GALNT2: variants seen among roughly 807,000 people sequenced by gnomAD.
The protein encoded by GALNT2 is polypeptide N-acetylgalactosaminyltransferase 2, also known as UDP-GalNAc:polypeptide N-acetylgalactosaminyltransferase 2.
In GALNT2, 31 loss-of-function variants were observed where a neutral mutation model predicts 81.4. The ratio of observed to expected loss-of-function variants is 0.38; its 90% CI spans 0.29 to 0.51. The LOEUF (loss-of-function observed/expected upper bound fraction) is 0.51. Ranked by LOEUF, GALNT2 falls within the 20% of genes least tolerant of loss-of-function variation. The pLI, the probability that GALNT2 is intolerant of heterozygous loss-of-function variation, is 0.87. For missense variants in GALNT2, 629 were observed against 765.7 expected (o/e 0.82, Z 2.11); for synonymous variants, 303 against 287.4 (o/e 1.05, Z -0.55).
At chr1:230,163,403 T>G (rs534435942) in intron 1 of GALNT2, among the ~76,000 whole-genome samples, 66 of 152,182 alleles carry the variant, frequency 4.3e-4, no homozygotes, top group Non-Finnish European at 7.9e-4. Flanking sequence ...TGGGATGAGG[T>G]CACTCCGGCG....
intron 14 of GALNT2, among the ~76,000 whole-genome samples, chr1:230,266,683 G>C (rs117975489): frequency 6.6e-6 from 1 of 152,324 alleles, no homozygotes; most frequent in East Asian, 1.9e-4. Flanking sequence ...GAACCTGCCT[G>C]CCTGGGGCTT....
At chr1:230,269,405 C>T (rs1033689422) in intron 14 of GALNT2, among the ~76,000 whole-genome samples, 1 of 152,052 alleles carries the variant, frequency 6.6e-6, no homozygotes, top group East Asian at 1.9e-4. Context: ...AGGCTGGTCT[C>T]GAACTCGTGA....
chr1:230,130,193 A>G lies in GALNT2; in HGVS notation c.127-48025A>G, dbSNP rs769466575. Reference sequence around the variant, plus strand: ...GAAGACCTTTCTCATCCCGCCTTCTACTACCATCCATATCTTTCTTCTGTA... The same window carrying G: ...GAAGACCTTTCTCATCCCGCCTTCTGCTACCATCCATATCTTTCTTCTGTA... On this transcript the variant is annotated intron_variant, in intron 1 of 15. Transcript: ENST00000366672. Among the ~76,000 whole-genome samples, 6 of 152,218 alleles carry G rather than the reference A, an allele frequency of 3.9e-5. No homozygotes were observed. The East Asian group carries it at 5.8e-4, about 15-fold the overall frequency.
intron 1 of GALNT2, among the ~76,000 whole-genome samples, chr1:230,168,160 C>A (rs546161433): frequency 1.4e-5 from 2 of 143,582 alleles, no homozygotes; most frequent in East Asian, 3.9e-4. Context: ...AAAATGGAGC[C>A]ATAAAAGACT....
At chr1:230,274,410 A>T (rs763311531) in intron 14 of GALNT2, 35 bp from the exon 15 acceptor site, 6 of 1,609,478 alleles carry the variant, frequency 3.7e-6, no homozygotes, top group Non-Finnish European at 5.1e-6. Context: ...AGCCCGGTGC[A>T]TAGCACGCCT....
intron 1 of GALNT2, among the ~76,000 whole-genome samples, chr1:230,150,341 A>G (rs531626514): frequency 1.9e-4 from 29 of 152,384 alleles, no homozygotes; most frequent in African/African-American, 7.0e-4. Flanking sequence ...GCATGACTTC[A>G]TACATCACCC....
In GALNT2 at chr1:230,182,072, C is replaced by G. The variant is rs1254468368; in HGVS notation, c.220+3761C>G. ...ATTGTCCTTTTCATATCCATGGGAT[C>G]TGTAGTTATATCCCCACTTTCATTT... On this transcript the variant is annotated intron_variant, in intron 2 of 15. Coordinates refer to ENST00000366672, the MANE Select transcript of GALNT2 (RefSeq NM_004481.5). Among the ~76,000 whole-genome samples, 9 of 152,272 alleles carry G rather than the reference C, an allele frequency of 5.9e-5. No homozygotes were observed. The East Asian group carries it at 1.7e-3, about 29-fold the overall frequency.
intron 1 of GALNT2, among the ~76,000 whole-genome samples, chr1:230,130,990 C>T (rs1661349668): frequency 6.6e-6 from 1 of 152,024 alleles, no homozygotes; most frequent in East Asian, 1.9e-4. Context: ...CTGTCAGGCA[C>T]CCTCCAACAT....
intron 3 of GALNT2, among the ~76,000 whole-genome samples, chr1:230,230,146 C>G (rs1664826953): frequency 6.6e-6 from 1 of 152,192 alleles, no homozygotes; most frequent in Non-Finnish European, 1.5e-5. Context: ...TGCCAAGAGG[C>G]CACAGGAGGC....
At chr1:230,206,443 G>C (rs1265933757) in intron 3 of GALNT2, among the ~76,000 whole-genome samples, 2 of 152,092 alleles carry the variant, frequency 1.3e-5, no homozygotes. Flanking sequence ...CACATTTGTT[G>C]GATTTGGGCT....
chr1:230,063,017 A>T (rs1659085821), upstream of GALNT2, among the ~76,000 whole-genome samples: 1 of 152,078 alleles, frequency 6.6e-6, no homozygotes, highest in Non-Finnish European at 1.5e-5. Flanking sequence ...TATTTATTTT[A>T]AAAATGTTTT....
intron 1 of GALNT2, among the ~76,000 whole-genome samples, chr1:230,067,918 T>C (rs973880833): frequency 6.6e-6 from 1 of 152,146 alleles, no homozygotes; most frequent in Admixed American, 6.5e-5. Flanking sequence ...TCTGCCACCT[T>C]CTTTGCCCTT....
intron 3 of GALNT2, among the ~76,000 whole-genome samples, chr1:230,220,934 C>T (rs1049034861): frequency 3.3e-5 from 5 of 152,172 alleles, no homozygotes; most frequent in African/African-American, 1.2e-4. Flanking sequence ...ATGAACTCCC[C>T]AAGTTCTCCT....
At chr1:230,106,072 C>T (rs1234108965) in intron 1 of GALNT2, among the ~76,000 whole-genome samples, 1 of 152,218 alleles carries the variant, frequency 6.6e-6, no homozygotes, top group African/African-American at 2.4e-5. Flanking sequence ...TGCATATTAA[C>T]CACTTGGTGA....
chr1:230,085,852 G>A (rs564107751), intron 1 of GALNT2, among the ~76,000 whole-genome samples: 1 of 152,192 alleles, frequency 6.6e-6, no homozygotes, highest in African/African-American at 2.4e-5. Context: ...CTGACTTCTG[G>A]TGTAGACGTT....
Position 230,280,043 on chromosome 1 carries a change from T to C in GALNT2, c.*585T>C, listed in dbSNP as rs1666395551. On this transcript the variant is annotated 3_prime_UTR_variant, in exon 16 of 16. Transcript: ENST00000366672. ...GCTATATTGAGGATGAAGTTTTCTA[T>C]GGTGGGACACTAAATATAAAGCTAT... is the stretch of plus-strand genomic sequence containing the variant. 4 of 455,924 alleles carry C rather than the reference T, an allele frequency of 8.8e-6. No homozygotes were observed. Among genetic ancestry groups the C allele is most frequent in the Non-Finnish European group, 1.8e-5 (4 of 226,686 alleles). 28.2% of individuals were successfully genotyped at this position (455,924 alleles called of 1,614,324 possible).
intron 3 of GALNT2, among the ~76,000 whole-genome samples, chr1:230,233,609 G>A (rs566878863): frequency 1.9e-4 from 29 of 151,670 alleles, no homozygotes; most frequent in African/African-American, 4.1e-4. Context: ...GCAAGACTCC[G>A]TCTCAAAAGA....
chr1:230,229,215 G>A (rs1664802530), intron 3 of GALNT2, among the ~76,000 whole-genome samples: 1 of 152,172 alleles, frequency 6.6e-6, no homozygotes, highest in South Asian at 2.1e-4. Context: ...AAAGGATAAT[G>A]TCCAGAGCAT....
chr1:230,121,324 C>T (rs112508152), intron 1 of GALNT2, among the ~76,000 whole-genome samples: 91 of 152,318 alleles, frequency 6.0e-4, no homozygotes, highest in African/African-American at 2.1e-3. Flanking sequence ...CCGTGGCGGG[C>T]GGTGGGGCAG....
Sources: allele counts gnomAD v4.1 joint callset (sites outside exome capture counted in the v4.1 genomes callset), GRCh38; gene constraint gnomAD v4.1.1; transcripts MANE v1.5; gene names NCBI Gene and HGNC (gene_info 2026-07-23, HGNC 2026-07-21).